VWA3B: variants seen among roughly 807,000 people sequenced by gnomAD.
VWA3B encodes the protein von Willebrand factor A domain containing 3B.
A neutral mutation model predicts 158.3 loss-of-function variants in VWA3B; 138 were observed. The observed-to-expected ratio is 0.87, with a 90% CI of 0.76 to 1.00. The LOEUF (loss-of-function observed/expected upper bound fraction) is 1.00, where lower values mean the gene tolerates loss of function less well. Among genes scored for constraint, VWA3B ranks in the 50% least tolerant of loss-of-function variants. The pLI, the probability that VWA3B is intolerant of heterozygous loss-of-function variation, is 0.00. For synonymous variants in VWA3B, 596 were observed against 587.3 expected (o/e 1.01, Z -0.21); for missense variants, 1,555 against 1,565.1 (o/e 0.99, Z 0.11).
intron 2 of VWA3B, among the ~76,000 whole-genome samples, chr2:98,098,284 G>A (rs1682852191): frequency 6.6e-6 from 1 of 152,060 alleles, no homozygotes; most frequent in Non-Finnish European, 1.5e-5. Context: ...CTCTCTGGAT[G>A]ATCTGTCCAT....
At chr2:98,317,670 G>A (rs1278000901), downstream of VWA3B, among the ~76,000 whole-genome samples, 3 of 152,114 alleles carry the variant, frequency 2.0e-5, no homozygotes, top group Non-Finnish European at 1.5e-5. Context: ...CCCCCACTTT[G>A]AATTGTCCTG....
At chr2:98,225,685 A>C (rs79152996) in intron 14 of VWA3B, among the ~76,000 whole-genome samples, 4,639 of 150,872 alleles carry the variant, frequency 0.031, 402 homozygotes, top group Admixed American at 0.17. Context: ...TTATCTACAT[A>C]GAAAACCCCA....
At chr2:98,121,721 G>A (rs1158912283) in intron 5 of VWA3B, among the ~76,000 whole-genome samples, 1 of 152,062 alleles carries the variant, frequency 6.6e-6, no homozygotes, top group African/African-American at 2.4e-5. Context: ...AGCCAGTGTC[G>A]GGAGAGCCGA....
chr2:98,144,769 G>A (rs530667041), intron 7 of VWA3B, among the ~76,000 whole-genome samples: 13 of 152,224 alleles, frequency 8.5e-5, no homozygotes, highest in African/African-American at 3.1e-4. Context: ...GTTTTGCCAT[G>A]TTGACTAGTC....
downstream of VWA3B, among the ~76,000 whole-genome samples, chr2:98,317,880 T>C (rs891550197): frequency 1.3e-5 from 2 of 152,222 alleles, no homozygotes; most frequent in Non-Finnish European, 2.9e-5. Flanking sequence ...AGTTTAACTC[T>C]TTTTGTCAAC....
At chr2:98,255,438 G>C (rs918328790) in intron 20 of VWA3B, among the ~76,000 whole-genome samples, 12 of 149,124 alleles carry the variant, frequency 8.0e-5, no homozygotes, top group African/African-American at 2.7e-4. Flanking sequence ...CTGACATGAT[G>C]ACACAGAACT....
intron 2 of VWA3B, among the ~76,000 whole-genome samples, chr2:98,107,175 G>A (rs1387854819): frequency 6.6e-6 from 1 of 151,940 alleles, no homozygotes; most frequent in Non-Finnish European, 1.5e-5. Flanking sequence ...TGCATCCCTG[G>A]AGTAAACTAG....
intron 7 of VWA3B, among the ~76,000 whole-genome samples, chr2:98,148,177 T>C (rs6744080): frequency 0.31 from 47,552 of 152,012 alleles, 9,627 homozygotes; most frequent in African/African-American, 0.58. Flanking sequence ...CATTGTGGGG[T>C]AATCTCTCAT....
chr2:98,181,124 A>T lies in VWA3B; in HGVS notation c.1223A>T (p.Asp408Val). 6.2e-7 allele frequency: 1 copy of T among 1,614,178 alleles called. No homozygotes were observed. Among genetic ancestry groups the T allele is most frequent in the African/African-American group, 1.3e-5 (1 of 75,042 alleles). Residue 408 changes from aspartate to valine, a missense_variant, in exon 9 of 28, where the codon GAT becomes GTT. Asp to Val is a radical substitution (Grantham distance 152, BLOSUM62 -3). Transcript: ENST00000477737. Reference sequence around the variant, plus strand: ...AAGGCCCAGAAGCTATCCTTGTATGATGTGCTTGCCGACTGCTCTTTCCGC... The same window carrying T: ...AAGGCCCAGAAGCTATCCTTGTATGTTGTGCTTGCCGACTGCTCTTTCCGC... ...GLKAQKLSLYDVLADCSFRHA... is the reference protein window; with the variant it reads ...GLKAQKLSLYVVLADCSFRHA...
rs763042378 is a variant in VWA3B at position 98,133,786 on chromosome 2, C to T, written c.873-38C>T. The stretch of plus-strand genomic sequence containing the variant: ...AGGAACAAGCATGCACGGACACCTG[C>T]GTACTGCCTTCCTAATGAGCATCTC... On this transcript the variant is annotated intron_variant, in intron 6 of 27. Transcript: ENST00000477737. The T allele has an allele frequency of 3.2e-6, 5 of 1,581,742 alleles. No individual in the cohort carries two copies. The East Asian group carries it at 6.7e-5, about 21-fold the overall frequency.
chr2:98,165,837 A>C (rs970079305), intron 8 of VWA3B, among the ~76,000 whole-genome samples: 1 of 152,084 alleles, frequency 6.6e-6, no homozygotes, highest in Non-Finnish European at 1.5e-5. Context: ...GAAAACCCAG[A>C]TGGTCCCCTG....
intron 25 of VWA3B, among the ~76,000 whole-genome samples, chr2:98,301,282 T>G (rs1263277398): frequency 6.6e-6 from 1 of 151,190 alleles, no homozygotes; most frequent in Non-Finnish European, 1.5e-5. Flanking sequence ...ACAGCAAGAC[T>G]GTCTCAAAAA....
At chr2:98,133,337 T>A (rs1676019263) in intron 6 of VWA3B, among the ~76,000 whole-genome samples, 1 of 152,040 alleles carries the variant, frequency 6.6e-6, no homozygotes, top group South Asian at 2.1e-4. Flanking sequence ...TGGGGAAGTG[T>A]GTGTTTGCTG....
chr2:98,228,054 C>G, intron 14 of VWA3B, 148 bp from the exon 15 acceptor site: 1 of 807,202 alleles, frequency 1.2e-6, no homozygotes, highest in East Asian at 3.0e-5. Context: ...CTTGGGAGGC[C>G]AAGATGAGAG....
intron 22 of VWA3B, among the ~76,000 whole-genome samples, chr2:98,276,750 A>G (rs62157910): frequency 0.038 from 5,555 of 145,866 alleles, 172 homozygotes; most frequent in Middle Eastern, 0.072. Flanking sequence ...TGGCCATTGC[A>G]TTTGGAATGG....
chr2:98,089,520 G>A (rs1682119347), intron 1 of VWA3B, among the ~76,000 whole-genome samples: 2 of 150,790 alleles, frequency 1.3e-5, no homozygotes, highest in East Asian at 3.9e-4. Context: ...TGGGGGTGGG[G>A]TGGGGAGAAG....
Position 98,312,969 on chromosome 2 carries a change from T to C in VWA3B, c.*620T>C, listed in dbSNP as rs1690998546. The C allele has an allele frequency of 6.6e-6, 1 of 152,254 alleles. No individual in the cohort carries two copies. Among genetic ancestry groups the C allele is most frequent in the Non-Finnish European group, 1.5e-5 (1 of 68,060 alleles). 9.4% of individuals were successfully genotyped at this position (152,254 alleles called of 1,614,324 possible). ...ACCATTGGATTGTTGGATTATTTGT[T>C]ACCATTTTTCTCTGAACACATTTTA... On this transcript the variant is annotated 3_prime_UTR_variant, in exon 28 of 28. Coordinates refer to ENST00000477737, the MANE Select transcript of VWA3B (RefSeq NM_144992.5).
chr2:98,202,749 A>G lies in VWA3B; in HGVS notation c.1737+8257A>G, dbSNP rs1342370467. Among the ~76,000 whole-genome samples, 5 of 152,200 alleles carry G rather than the reference A, an allele frequency of 3.3e-5. No individual in the cohort carries two copies. In the South Asian group the frequency reaches 6.2e-4, roughly 19 times the overall value. ...TGTCCTTTTTTCTAGAAGTTTTATA[A>G]TTTTGTTTGACATTTAAGTCTATGA... On this transcript the variant is annotated intron_variant, in intron 12 of 27. Coordinates refer to ENST00000477737, the MANE Select transcript of VWA3B (RefSeq NM_144992.5).
In VWA3B at chr2:98,303,780, C is replaced by G; in HGVS notation, c.3499C>G (p.Pro1167Ala). 6.2e-7 allele frequency: 1 copy of G among 1,614,104 alleles called. No homozygotes were observed. Among genetic ancestry groups the G allele is most frequent in the Non-Finnish European group, 8.5e-7 (1 of 1,180,012 alleles). The change falls in exon 26 of 28, where the codon CCA becomes GCA. Residue 1167 changes from proline to alanine, a missense_variant. By Grantham distance (27) the Pro-to-Ala change is conservative (BLOSUM62 -1). Transcript: ENST00000477737. ...ALSCSHIKSP[P>A]IPEDPEVEDV... The stretch of plus-strand genomic sequence containing the variant: ...CTCTTGCTCTCATATAAAGTCACCC[C>G]CAATTCCTGAGGATCCAGAAGTGTA...
Sources: gnomAD v4.1 joint callset for allele counts (sites outside exome capture counted in the v4.1 genomes callset) on GRCh38, gnomAD v4.1.1 for gene constraint, MANE v1.5 for transcripts, NCBI Gene and HGNC (gene_info 2026-07-23, HGNC 2026-07-21) for gene names.